IQGAP2: variants seen among roughly 807,000 people sequenced by gnomAD.
The protein encoded by IQGAP2 is ras GTPase-activating-like protein IQGAP2.
Under a neutral mutation model 201.3 loss-of-function variants are expected in IQGAP2, and 173 were observed. The observed-to-expected ratio is 0.86, with a 90% CI of 0.76 to 0.98. The LOEUF is 0.98. Ranked by LOEUF, IQGAP2 falls within the 50% of genes least tolerant of loss-of-function variation. The probability of loss-of-function intolerance (pLI) is 0.00; values close to 1 mark genes in which losing one functional copy is unlikely to be tolerated. For missense variants in IQGAP2, 1,687 were observed against 1,864.8 expected (o/e 0.90, Z 1.76); for synonymous variants, 675 against 673.9 (o/e 1.00, Z -0.03).
At chr5:76,672,263 G>T (rs1744398360) in intron 24 of IQGAP2, among the ~76,000 whole-genome samples, 1 of 152,110 alleles carries the variant, frequency 6.6e-6, no homozygotes, top group Admixed American at 6.5e-5. Context: ...AGATGGTGTA[G>T]ACTCTCTCTT....
At chr5:76,670,079 T>A (rs1201379451) in intron 23 of IQGAP2, among the ~76,000 whole-genome samples, 2 of 152,088 alleles carry the variant, frequency 1.3e-5, no homozygotes, top group African/African-American at 4.8e-5. Context: ...CCCAGAGAGA[T>A]GGCGGGTGAA....
At chr5:76,594,619 GA>G (rs527968299) in intron 9 of IQGAP2, among the ~76,000 whole-genome samples, 9 of 152,006 alleles carry the variant, frequency 5.9e-5, no homozygotes, top group South Asian at 2.1e-4. Context: ...GTAACCTTAG[GA>G]AAAAAACCCT....
chr5:76,493,802 A>G (rs1756712752), intron 2 of IQGAP2, among the ~76,000 whole-genome samples: 1 of 152,158 alleles, frequency 6.6e-6, no homozygotes, highest in Admixed American at 6.5e-5. Context: ...TCTTACTAGT[A>G]CGGCCTAGTT....
intron 2 of IQGAP2, among the ~76,000 whole-genome samples, chr5:76,548,390 G>A (rs1743224213): frequency 6.6e-6 from 1 of 152,174 alleles, no homozygotes; most frequent in African/African-American, 2.4e-5. Flanking sequence ...ACCTGGCTTT[G>A]GGAAAGCATA....
chr5:76,575,733 A>C lies in IQGAP2; in HGVS notation c.422A>C (p.Asn141Thr). ...ACAACAGATGTCTATGATCGGAAAA[A>C]CATACCAAGAATGATATATTGCATT... ...PETTDVYDRKNIPRMIYCIHA... is the reference protein window; with the variant it reads ...PETTDVYDRKTIPRMIYCIHA... The change falls in exon 5 of 36, where the codon AAC becomes ACC. Residue 141 changes from asparagine to threonine, a missense_variant. Coordinates refer to ENST00000274364, the MANE Select transcript of IQGAP2 (RefSeq NM_006633.5). 4 of 1,596,086 alleles carry C rather than the reference A, an allele frequency of 2.5e-6. No homozygotes were observed. Among genetic ancestry groups the C allele is most frequent in the Non-Finnish European group, 3.4e-6 (4 of 1,169,256 alleles).
At chr5:76,529,233 A>C (rs1236053146) in intron 2 of IQGAP2, among the ~76,000 whole-genome samples, 1 of 152,140 alleles carries the variant, frequency 6.6e-6, no homozygotes, top group African/African-American at 2.4e-5. Context: ...TGTACATATG[A>C]AAAAGGGATG....
intron 3 of IQGAP2, among the ~76,000 whole-genome samples, chr5:76,567,024 G>A (rs1166913801): frequency 6.6e-6 from 1 of 152,090 alleles, no homozygotes; most frequent in East Asian, 1.9e-4. Flanking sequence ...AAGATGAATA[G>A]TACTCTGAAC....
intron 2 of IQGAP2, among the ~76,000 whole-genome samples, chr5:76,559,539 G>T (rs1744189090): frequency 6.6e-6 from 1 of 152,102 alleles, no homozygotes; most frequent in Non-Finnish European, 1.5e-5. Context: ...TTTTCTCCCT[G>T]TGAGCCCCAG....
intron 2 of IQGAP2, among the ~76,000 whole-genome samples, chr5:76,488,753 C>T (rs1192312901): frequency 6.6e-6 from 1 of 152,164 alleles, no homozygotes. Flanking sequence ...AATGGCCGGA[C>T]TAATCCACCA....
chr5:76,414,627 C>G (rs962928998), intron 1 of IQGAP2, among the ~76,000 whole-genome samples: 2 of 152,116 alleles, frequency 1.3e-5, no homozygotes, highest in African/African-American at 4.8e-5. Flanking sequence ...TCAAGACCAT[C>G]TGGGCAACGT....
rs893240426 is a variant in IQGAP2, at chr5:76,441,590, T to A, written c.47-19980T>A. 22 of 860,448 alleles carry A rather than the reference T, an allele frequency of 2.6e-5. No homozygotes were observed. In the African/African-American group the frequency reaches 4.0e-4, roughly 16 times the overall value. The allele number at this position is 860,448 out of a possible 1,614,324, so 53.3% of individuals were successfully genotyped here. A position where few individuals can be genotyped will look rare whatever the true frequency, so the allele number is the denominator to read the frequency against. ...GCAGGGTTCGTGAATCTCAGCGGTA[T>A]GTTTGGGCTGATTTTCACTTCTGGT... On this transcript the variant is annotated intron_variant, in intron 1 of 35. Coordinates refer to ENST00000274364, the MANE Select transcript of IQGAP2 (RefSeq NM_006633.5).
At position 76,403,700 on chromosome 5, in the gene IQGAP2, A is replaced by G; in HGVS notation, c.46+109A>G. On this transcript the variant is annotated intron_variant, in intron 1 of 35. Coordinates refer to ENST00000274364, the MANE Select transcript of IQGAP2 (RefSeq NM_006633.5). The surrounding 1 kb of genome is among the most constrained non-coding windows in gnomAD (Gnocchi z 4.8). ...GGTTGCGCGGCGCAGAGGAAATTGG[A>G]AGGCAGCAACTGCGCGGCTGGCAAA... 1.1e-6 allele frequency: 1 copy of G among 951,764 alleles called. No individual in the cohort carries two copies. Among genetic ancestry groups the G allele is most frequent in the Non-Finnish European group, 1.4e-6 (1 of 692,724 alleles). The allele number at this position is 951,764 out of a possible 1,614,324, so 59.0% of individuals were successfully genotyped here.
At chr5:76,613,988 C>T (rs1304200348) in intron 13 of IQGAP2, among the ~76,000 whole-genome samples, 3 of 152,272 alleles carry the variant, frequency 2.0e-5, no homozygotes, top group Non-Finnish European at 4.4e-5. Flanking sequence ...CCACCGCACC[C>T]GGCTTCAAGG....
chr5:76,521,671 G>A (rs550004031), intron 2 of IQGAP2, among the ~76,000 whole-genome samples: 522 of 152,216 alleles, frequency 3.4e-3, no homozygotes, highest in African/African-American at 0.012. Flanking sequence ...TCTGTGTCCC[G>A]TGACTTTCAG....
intron 28 of IQGAP2, among the ~76,000 whole-genome samples, chr5:76,678,168 A>C (rs1744990691): frequency 6.6e-6 from 1 of 152,196 alleles, no homozygotes; most frequent in Admixed American, 6.5e-5. Flanking sequence ...AGGCTACGCA[A>C]CGAAAACAAG....
intron 17 of IQGAP2, among the ~76,000 whole-genome samples, chr5:76,652,360 G>C (rs1469138577): frequency 2.0e-5 from 3 of 152,156 alleles, no homozygotes; most frequent in African/African-American, 7.2e-5. Context: ...TTAATATTAG[G>C]CATTATTTTC....
chr5:76,565,257 C>T (rs1230943637), intron 3 of IQGAP2, among the ~76,000 whole-genome samples: 3 of 152,140 alleles, frequency 2.0e-5, no homozygotes, highest in East Asian at 3.9e-4. Flanking sequence ...CCCAGCCCCT[C>T]GTGCCATCTG....
chr5:76,505,972 A>G (rs1757588675), intron 2 of IQGAP2, among the ~76,000 whole-genome samples: 1 of 152,152 alleles, frequency 6.6e-6, no homozygotes, highest in Admixed American at 6.5e-5. Context: ...TTTAAGTTCA[A>G]CATTAATTAG....
intron 14 of IQGAP2, 84 bp from the exon 15 acceptor site, chr5:76,631,775 C>A: frequency 9.5e-7 from 1 of 1,056,844 alleles, no homozygotes; most frequent in South Asian, 2.1e-5. Context: ...TAATGCATTC[C>A]TAAAACGTTG....
Sources: allele counts gnomAD v4.1 joint callset (sites outside exome capture counted in the v4.1 genomes callset), GRCh38; gene constraint gnomAD v4.1.1; non-coding constraint Gnocchi (gnomAD v3.1); transcripts MANE v1.5; gene names NCBI Gene and HGNC (gene_info 2026-07-23, HGNC 2026-07-21).